Variants in CASK observed in about 807,000 individuals in gnomAD.
CASK encodes the protein calcium/calmodulin dependent serine protein kinase, also known as peripheral plasma membrane protein CASK.
CASK carries 4 observed loss-of-function variants against 82.9 expected under a neutral mutation model. That is an observed-to-expected ratio of 0.05 (90% CI 0.02 to 0.11). The LOEUF (loss-of-function observed/expected upper bound fraction) is 0.11. Among genes scored for constraint, CASK ranks in the 10% least tolerant of loss-of-function variants. The probability of loss-of-function intolerance (pLI) is 1.00; values close to 1 mark genes in which losing one functional copy is unlikely to be tolerated. For missense variants in CASK, 358 were observed against 720.9 expected, an observed-to-expected ratio of 0.50 and a Z score of 5.76; for synonymous variants, 259 against 253.5, an observed-to-expected ratio of 1.02 and a Z score of -0.20.
intron 5 of CASK, chrX:41,729,579 G>A (rs944575307): frequency 9.0e-6 from 1 of 110,901 alleles, no homozygotes; most frequent in African/African-American, 3.5e-5. Flanking sequence ...TTAGCTGGGC[G>A]TGGTGGTGTG....
At chrX:41,644,554 GA>G (rs1209336510) in intron 8 of CASK, among the ~76,000 whole-genome samples, 1 of 111,836 alleles carries the variant, frequency 8.9e-6, no homozygotes, top group Non-Finnish European at 1.9e-5. Flanking sequence ...TGAGCAATAT[GA>G]AATGTAGGCA....
At chrX:41,744,367 A>G (rs1352731144) in intron 4 of CASK, among the ~76,000 whole-genome samples, 1 of 101,410 alleles carries the variant, frequency 9.9e-6, no homozygotes, top group African/African-American at 3.7e-5. Flanking sequence ...TTTTTTTGAG[A>G]CGGAGTCTCG....
intron 14 of CASK, chrX:41,584,622 G>A (rs183254934): frequency 1.6e-4 from 18 of 111,514 alleles, no homozygotes; most frequent in African/African-American, 5.9e-4. Flanking sequence ...ACTCCTATGA[G>A]GACCTAATGC....
intron 18 of CASK, chrX:41,558,720 A>G (rs939516000): frequency 4.5e-5 from 5 of 111,426 alleles, no homozygotes; most frequent in African/African-American, 1.6e-4. Flanking sequence ...AAGACCCGTT[A>G]CAACGGACAC....
intron 24 of CASK, among the ~76,000 whole-genome samples, chrX:41,533,752 G>A (rs985466558): frequency 1.8e-5 from 2 of 111,745 alleles, no homozygotes; most frequent in South Asian, 7.4e-4. Flanking sequence ...CTCCACCTCC[G>A]GATTCAACTG....
chrX:41,558,816 A>G (rs762583674), intron 18 of CASK: 5 of 111,952 alleles, frequency 4.5e-5, no homozygotes, highest in East Asian at 2.8e-4. Context: ...AAAAATATGA[A>G]GCCTCTGATT....
chrX:41,620,972 T>C (rs1407556968), intron 11 of CASK, among the ~76,000 whole-genome samples: 2 of 112,007 alleles, frequency 1.8e-5, no homozygotes, highest in Non-Finnish European at 3.8e-5. Flanking sequence ...TGCTTCCATA[T>C]AGAAACATCT....
intron 10 of CASK, among the ~76,000 whole-genome samples, chrX:41,622,880 ATTT>A (rs970144546): frequency 3.1e-5 from 3 of 96,875 alleles, no homozygotes; most frequent in African/African-American, 3.7e-5. Flanking sequence ...TTCAACATTG[ATTT>A]TTTTTTTTTT....
At chrX:41,883,889 C>T (rs751555720) in intron 1 of CASK, among the ~76,000 whole-genome samples, 4 of 111,627 alleles carry the variant, frequency 3.6e-5, no homozygotes, top group East Asian at 2.8e-4. Context: ...CTAGTCAGTT[C>T]ATTCTAATTG....
At chrX:41,891,562 G>C (rs1486049320) in intron 1 of CASK, among the ~76,000 whole-genome samples, 1 of 111,806 alleles carries the variant, frequency 8.9e-6, no homozygotes, top group East Asian at 2.8e-4. Flanking sequence ...TTGTCTTCAA[G>C]TTAAAATATT....
intron 21 of CASK, among the ~76,000 whole-genome samples, chrX:41,546,975 G>C (rs191343262): frequency 1.3e-3 from 139 of 110,969 alleles, no homozygotes; most frequent in Non-Finnish European, 1.9e-4. Context: ...CTGTTGCCCA[G>C]GCTGGAGTGC....
rs768319824 is a variant in CASK at position 41,854,207 on chromosome X, C to T, written c.60-980G>A. Among the ~76,000 whole-genome samples the T allele has an allele frequency of 1.3e-4, 13 of 96,941 alleles. No individual in the cohort carries two copies. The East Asian group carries it at 2.0e-3, about 15-fold the overall frequency. 84.2% of individuals were successfully genotyped at this position (96,941 alleles called of 115,157 possible). On this transcript the variant is annotated intron_variant, in intron 1 of 26. Transcript: ENST00000378163. ...CATACCCTGGTCCAGGGAACATGCGCGCGCGCGCGGGCGCGCGCACACACA... is the reference window on the plus strand; with the variant it reads ...CATACCCTGGTCCAGGGAACATGCGTGCGCGCGCGGGCGCGCGCACACACA...
intron 2 of CASK, among the ~76,000 whole-genome samples, chrX:41,795,491 C>T (rs904314040): frequency 2.7e-5 from 3 of 110,357 alleles, no homozygotes; most frequent in African/African-American, 9.9e-5. Flanking sequence ...CATGGTGAAA[C>T]CCTGTTCCTA....
In CASK at chrX:41,690,497, C is replaced by G. The variant is rs1287402663; in HGVS notation, c.430-18967G>C. Among the ~76,000 whole-genome samples, 3 of 107,482 alleles carry G rather than the reference C, an allele frequency of 2.8e-5. No homozygotes were observed. The South Asian group carries it at 1.2e-3, about 45-fold the overall frequency. The allele number at this position is 107,482 out of a possible 115,157, so 93.3% of individuals were successfully genotyped here. ...GAGTAGCTGGGACTACAGGTGCGTG[C>G]CACCACGCCCTGCTAATTTTTTTTT... On this transcript the variant is annotated intron_variant, in intron 5 of 26. Coordinates refer to ENST00000378163, the MANE Select transcript of CASK (RefSeq NM_001367721.1).
intron 14 of CASK, among the ~76,000 whole-genome samples, chrX:41,581,897 G>A (rs1234402957): frequency 8.1e-5 from 9 of 111,446 alleles, no homozygotes; most frequent in Admixed American, 2.9e-4. Flanking sequence ...AGGCTTTGGC[G>A]CTAGCAGGAT....
At chrX:41,633,814 C>T (rs1156898517) in intron 9 of CASK, among the ~76,000 whole-genome samples, 1 of 108,705 alleles carries the variant, frequency 9.2e-6, no homozygotes, top group Non-Finnish European at 1.9e-5. Flanking sequence ...GGCTGGAGTG[C>T]AGTGGCGTGA....
chrX:41,895,297 AAG>A (rs1204505446), intron 1 of CASK, among the ~76,000 whole-genome samples: 1 of 112,182 alleles, frequency 8.9e-6, no homozygotes, highest in East Asian at 2.8e-4. Flanking sequence ...ACTTATCTGT[AAG>A]AGAGACTTCA....
intron 6 of CASK, among the ~76,000 whole-genome samples, chrX:41,667,007 G>GT (rs2147483490): frequency 9.0e-6 from 1 of 110,857 alleles, no homozygotes; most frequent in East Asian, 2.8e-4. Flanking sequence ...CCTGCTGACA[G>GT]TTTGGATGAT....
intron 1 of CASK, among the ~76,000 whole-genome samples, chrX:41,918,960 G>T (rs1005261973): frequency 8.9e-6 from 1 of 111,944 alleles, no homozygotes; most frequent in Non-Finnish European, 1.9e-5. Context: ...AAAGCTCCCC[G>T]GATGATTCTA....
Sources: allele counts gnomAD v4.1 joint callset (sites outside exome capture counted in the v4.1 genomes callset), GRCh38; gene constraint gnomAD v4.1.1; transcripts MANE v1.5; gene names NCBI Gene and HGNC (gene_info 2026-07-23, HGNC 2026-07-21).